SGCD: variants seen among roughly 807,000 people sequenced by gnomAD.
SGCD encodes delta-sarcoglycan.
SGCD carries 18 observed loss-of-function variants against 36.6 expected under a neutral mutation model. That is an observed-to-expected ratio of 0.49 (90% CI 0.34 to 0.73). The LOEUF (loss-of-function observed/expected upper bound fraction) is 0.73, where lower values mean the gene tolerates loss of function less well. Among genes scored for constraint, SGCD ranks in the 30% least tolerant of loss-of-function variants. The pLI, the probability that SGCD is intolerant of heterozygous loss-of-function variation, is 0.01. For missense variants in SGCD, 387 were observed against 346.7 expected, an observed-to-expected ratio of 1.12 and a Z score of -0.92; for synonymous variants, 133 against 130.6, an observed-to-expected ratio of 1.02 and a Z score of -0.12.
intron 3 of SGCD, among the ~76,000 whole-genome samples, chr5:156,164,124 C>T (rs1261798779): frequency 2.0e-5 from 3 of 151,092 alleles, no homozygotes; most frequent in African/African-American, 7.4e-5. Flanking sequence ...TATAAAATGA[C>T]TCTAAAATGA....
intron 7 of SGCD, among the ~76,000 whole-genome samples, chr5:156,680,353 C>A (rs1297923663): frequency 2.0e-5 from 3 of 152,136 alleles, no homozygotes; most frequent in Non-Finnish European, 4.4e-5. Flanking sequence ...TGATCACATG[C>A]CAGCCTGATC....
chr5:156,665,255 A>G (rs1175103517), intron 7 of SGCD, among the ~76,000 whole-genome samples: 1 of 151,950 alleles, frequency 6.6e-6, no homozygotes, highest in East Asian at 1.9e-4. Context: ...TTAGACTCTG[A>G]TGGCCCCATT....
At chr5:155,937,595 G>T (rs1447654766) in intron 1 of SGCD, among the ~76,000 whole-genome samples, 4 of 152,180 alleles carry the variant, frequency 2.6e-5, no homozygotes, top group Non-Finnish European at 5.9e-5. Context: ...TAATATTTGG[G>T]ATAGCTGTTG....
chr5:156,454,115 C>T (rs543313807), intron 3 of SGCD, among the ~76,000 whole-genome samples: 3 of 152,192 alleles, frequency 2.0e-5, no homozygotes, highest in African/African-American at 7.2e-5. Context: ...ATGTATAAGT[C>T]AGACCTCAAA....
chr5:155,994,704 A>C (rs1449261046), intron 1 of SGCD, among the ~76,000 whole-genome samples: 1 of 152,202 alleles, frequency 6.6e-6, no homozygotes, highest in African/African-American at 2.4e-5. Context: ...GTGAATATAG[A>C]AACAATTTTT....
chr5:155,788,074 C>G, the SGCD span, among the ~76,000 whole-genome samples: 1 of 152,110 alleles, frequency 6.6e-6, no homozygotes, highest in Non-Finnish European at 1.5e-5. Context: ...TTAACGTCAG[C>G]CATTTTTCTA....
chr5:156,564,877 T>C (rs113019588), intron 4 of SGCD, among the ~76,000 whole-genome samples: 8 of 152,366 alleles, frequency 5.3e-5, no homozygotes, highest in Non-Finnish European at 7.4e-5. Flanking sequence ...ATACACCACA[T>C]GTTGTTTATC....
chr5:155,842,246 G>GT, the SGCD span, among the ~76,000 whole-genome samples: 63,739 of 128,942 alleles, frequency 0.49, 15,968 homozygotes, highest in Admixed American at 0.63. Context: ...CATTTGAGGT[G>GT]TTTTTTTTTT....
chr5:156,134,235 G>C (rs1315516061), intron 3 of SGCD, among the ~76,000 whole-genome samples: 1 of 151,902 alleles, frequency 6.6e-6, no homozygotes, highest in Non-Finnish European at 1.5e-5. Flanking sequence ...CTCATATTTA[G>C]CCTGGATTGA....
chr5:156,438,895 A>G (rs1753367101), intron 3 of SGCD, among the ~76,000 whole-genome samples: 1 of 152,166 alleles, frequency 6.6e-6, no homozygotes. Flanking sequence ...TAAGCTTTCA[A>G]AGAATTAAGT....
rs192886188 is a variant in SGCD, at chr5:156,018,205, A to G, written c.-281-99673A>G. On this transcript the variant is annotated intron_variant, in intron 1 of 9. Transcript: ENST00000517913. ...ACTAGATAAATAGATAAATAAATTA[A>G]TAAATAAATGTTAAGATCCTATTTG... 2.6e-4 allele frequency among the ~76,000 whole-genome samples: 40 copies of G among 152,312 alleles called. 1 individual carries two copies. Among genetic ancestry groups the G allele is most frequent in the Admixed American group, 2.4e-3 (36 of 15,298 alleles).
intron 3 of SGCD, among the ~76,000 whole-genome samples, chr5:156,355,407 C>G (rs1483013197): frequency 1.3e-5 from 2 of 151,114 alleles, no homozygotes; most frequent in Non-Finnish European, 2.9e-5. Context: ...AGCTTTGTAC[C>G]TTTTCCACAC....
intron 2 of SGCD, among the ~76,000 whole-genome samples, chr5:156,122,749 G>T (rs1762072881): frequency 6.7e-6 from 1 of 149,460 alleles, no homozygotes; most frequent in South Asian, 2.1e-4. Context: ...CATGGGTCTG[G>T]TGGAGAGTAC....
At chr5:156,513,563 T>A (rs2127883508) in intron 4 of SGCD, among the ~76,000 whole-genome samples, 1 of 152,310 alleles carries the variant, frequency 6.6e-6, no homozygotes, top group Non-Finnish European at 1.5e-5. Flanking sequence ...TGAGCAAGAT[T>A]AGTCAACTAC....
intron 3 of SGCD, among the ~76,000 whole-genome samples, chr5:156,486,219 G>A (rs768477065): frequency 4.6e-5 from 7 of 151,878 alleles, no homozygotes; most frequent in South Asian, 4.2e-4. Flanking sequence ...TTTCTGGGTG[G>A]ACATGAGGAG....
intron 1 of SGCD, among the ~76,000 whole-genome samples, chr5:156,091,960 C>T (rs1017927803): frequency 5.3e-5 from 8 of 152,218 alleles, no homozygotes; most frequent in African/African-American, 1.7e-4. Flanking sequence ...AGGGTGTCTC[C>T]AAGCATTTGG....
At chr5:156,073,138 C>T (rs1204332920) in intron 1 of SGCD, among the ~76,000 whole-genome samples, 1 of 152,146 alleles carries the variant, frequency 6.6e-6, no homozygotes, top group East Asian at 1.9e-4. Flanking sequence ...TATGACCCAC[C>T]TCCCTTCTTT....
At chr5:156,747,505 A>T (rs1349783143) in intron 7 of SGCD, among the ~76,000 whole-genome samples, 1 of 152,080 alleles carries the variant, frequency 6.6e-6, no homozygotes, top group African/African-American at 2.4e-5. Context: ...CATTTGTAGG[A>T]TTAAGTTCTC....
chr5:156,216,926 A>C, intron 3 of SGCD, among the ~76,000 whole-genome samples: 1 of 152,102 alleles, frequency 6.6e-6, no homozygotes, highest in East Asian at 1.9e-4. Context: ...TAAAAATACA[A>C]AAATTAGGCA....
Sources: allele counts gnomAD v4.1 joint callset (sites outside exome capture counted in the v4.1 genomes callset), GRCh38; gene constraint gnomAD v4.1.1; transcripts MANE v1.5; gene names NCBI Gene and HGNC (gene_info 2026-07-23, HGNC 2026-07-21).